The following XYLB variants were observed in gnomAD, a reference collection of about 807,000 sequenced individuals.
XYLB encodes the protein xylulokinase.
XYLB carries 62 observed loss-of-function variants against 78.7 expected under a neutral mutation model. The observed-to-expected ratio is 0.79, with a 90% CI of 0.64 to 0.97. The LOEUF is 0.97. XYLB is among the 50% of genes least tolerant of loss of function. The pLI, the probability that XYLB is intolerant of heterozygous loss-of-function variation, is 0.00. For missense variants in XYLB, 687 were observed against 676.8 expected (o/e 1.02, Z -0.17); for synonymous variants, 245 against 247.4 (o/e 0.99, Z 0.09).
At chr3:38,437,054 C>G in the XYLB span, among the ~76,000 whole-genome samples, 3 of 121,448 alleles carry the variant, frequency 2.5e-5, no homozygotes, top group Non-Finnish European at 5.5e-5. Flanking sequence ...TAACAAAAAC[C>G]AAAAAAAACC....
At chr3:38,410,212 C>G (rs1011343532) in intron 18 of XYLB, among the ~76,000 whole-genome samples, 5 of 152,182 alleles carry the variant, frequency 3.3e-5, no homozygotes, top group Admixed American at 1.3e-4. Flanking sequence ...CAGAACAGAG[C>G]CCTCAGAAAT....
At chr3:38,363,939 C>T (rs887111608) in intron 4 of XYLB, among the ~76,000 whole-genome samples, 1 of 152,180 alleles carries the variant, frequency 6.6e-6, no homozygotes, top group Non-Finnish European at 1.5e-5. Flanking sequence ...GCTTCTTCCT[C>T]CATGACCTAA....
chr3:38,395,782 T>C (rs1380195107), intron 16 of XYLB, among the ~76,000 whole-genome samples: 1 of 152,196 alleles, frequency 6.6e-6, no homozygotes, highest in Non-Finnish European at 1.5e-5. Context: ...TACAATCCAC[T>C]CTCTGATACC....
In XYLB at chr3:38,360,324, CTGT is replaced by C. The variant is rs1263873996; in HGVS notation, c.141-10_141-8del. The C allele has an allele frequency of 6.2e-7, 1 of 1,613,306 alleles. No individual in the cohort carries two copies. The highest frequency in any genetic ancestry group is 2.2e-5 in the East Asian group (1 of 44,886). ...GCCCTGAGGCTCTGGTCTACATTCT[CTGT>C]TGTTCTTGCAGGACTCAGGGTGGTG... On this transcript the variant is annotated splice_polypyrimidine_tract_variant and intron_variant, in intron 2 of 18. Coordinates refer to ENST00000207870, the MANE Select transcript of XYLB (RefSeq NM_005108.4).
chr3:38,354,036 A>G (rs1705509856), intron 2 of XYLB, among the ~76,000 whole-genome samples: 1 of 151,980 alleles, frequency 6.6e-6, no homozygotes. Context: ...CCAGTAACAC[A>G]TTGTTTCAAT....
Position 38,376,136 on chromosome 3 carries a change from A to T in XYLB, c.1024A>T (p.Met342Leu). 6.2e-7 allele frequency: 1 copy of T among 1,613,836 alleles called. No homozygotes were observed. Among genetic ancestry groups the T allele is most frequent in the Non-Finnish European group, 8.5e-7 (1 of 1,179,770 alleles). Reference sequence around the variant, plus strand: ...CTGCAGCTTTAAAAATGGCTCCCTCATGAGAGAGAAGATCCGCAACGAGTC... The same window carrying T: ...CTGCAGCTTTAAAAATGGCTCCCTCTTGAGAGAGAAGATCCGCAACGAGTC... ...ALLCFKNGSL[M>L]REKIRNESVS... The change falls in exon 13 of 19, where the codon ATG becomes TTG. Residue 342 changes from methionine to leucine, a missense_variant. Physicochemically the swap from Met to Leu is conservative, Grantham distance 15. Coordinates refer to ENST00000207870, the MANE Select transcript of XYLB (RefSeq NM_005108.4).
chr3:38,431,855 C>T, the XYLB span, among the ~76,000 whole-genome samples: 1 of 152,154 alleles, frequency 6.6e-6, no homozygotes, highest in South Asian at 2.1e-4. Context: ...CTCATGAGAA[C>T]TCACTATCAT....
Position 38,365,244 on chromosome 3 carries a change from A to G in XYLB, c.337A>G (p.Thr113Ala). ...GAAGGCTGGAGCCCAGCAGGCACTG[A>G]CAAGCTTATCACCAGACCTCCGGCT... ...YWKAGAQQAL[T>A]SLSPDLRLHQ... is the part of the protein sequence containing the mutation. Residue 113 changes from threonine to alanine, a missense_variant, in exon 5 of 19, where the codon ACA becomes GCA. Transcript: ENST00000207870. 2 of 1,614,246 alleles carry G rather than the reference A, an allele frequency of 1.2e-6. No homozygotes were observed. Among genetic ancestry groups the G allele is most frequent in the East Asian group, 4.5e-5 (2 of 44,886 alleles).
chr3:38,373,028 T>G (rs1317137498), intron 10 of XYLB, among the ~76,000 whole-genome samples: 4 of 152,154 alleles, frequency 2.6e-5, no homozygotes, highest in Non-Finnish European at 5.9e-5. Context: ...GCCCAATGAT[T>G]ATGGAAGGCA....
downstream of XYLB, chr3:38,421,368 G>A (rs1254725794): frequency 6.6e-6 from 1 of 152,284 alleles, no homozygotes; most frequent in African/African-American, 2.4e-5. Context: ...AATCCTCATG[G>A]TGAGTAAGAA....
At chr3:38,355,871 G>A (rs779850560) in intron 2 of XYLB, 3 of 685,132 alleles carry the variant, frequency 4.4e-6, no homozygotes, top group African/African-American at 3.5e-5. Flanking sequence ...CTTTACATGA[G>A]GAGAAAGAAA....
At chr3:38,426,690 C>T in the XYLB span, among the ~76,000 whole-genome samples, 6 of 152,298 alleles carry the variant, frequency 3.9e-5, no homozygotes, top group African/African-American at 9.6e-5. Flanking sequence ...GCGAATCCTG[C>T]GAGAAGTAGC....
chr3:38,410,193 T>C (rs1177552750), intron 18 of XYLB, among the ~76,000 whole-genome samples: 6 of 152,018 alleles, frequency 3.9e-5, no homozygotes, highest in Non-Finnish European at 8.8e-5. Flanking sequence ...GAGATATAGA[T>C]CAATGGAACA....
intron 2 of XYLB, among the ~76,000 whole-genome samples, chr3:38,358,995 C>T (rs549572927): frequency 1.3e-4 from 20 of 152,198 alleles, no homozygotes; most frequent in African/African-American, 3.4e-4. Flanking sequence ...GAGACTCCAA[C>T]GCACCAGCAC....
chr3:38,406,363 A>G (rs1410158144), intron 18 of XYLB, among the ~76,000 whole-genome samples: 1 of 152,256 alleles, frequency 6.6e-6, no homozygotes, highest in Admixed American at 6.5e-5. Flanking sequence ...ACAGAAAGAC[A>G]TCCGCACCAA....
At chr3:38,429,578 T>G in the XYLB span, among the ~76,000 whole-genome samples, 1 of 152,178 alleles carries the variant, frequency 6.6e-6, no homozygotes. Flanking sequence ...TTTATTATTA[T>G]ACTTTAAGTT....
chr3:38,447,214 C>CAGT, the XYLB span, among the ~76,000 whole-genome samples: 68 of 151,534 alleles, frequency 4.5e-4, 1 homozygote, highest in Middle Eastern at 0.021. Flanking sequence ...ATCAAAGCCA[C>CAGT]CATATAATTA....
intron 17 of XYLB, among the ~76,000 whole-genome samples, chr3:38,399,748 G>C (rs550274595): frequency 6.6e-6 from 1 of 152,228 alleles, no homozygotes; most frequent in Admixed American, 6.5e-5. Flanking sequence ...CTTGCCAAAG[G>C]GTACCTGGGC....
chr3:38,404,757 T>G (rs1708244704), intron 18 of XYLB, among the ~76,000 whole-genome samples: 2 of 152,042 alleles, frequency 1.3e-5, no homozygotes, highest in Non-Finnish European at 2.9e-5. Flanking sequence ...AACCAGGAGG[T>G]GGAAGCTTCA....
Sources: gnomAD v4.1 joint callset for allele counts (sites outside exome capture counted in the v4.1 genomes callset) on GRCh38, gnomAD v4.1.1 for gene constraint, MANE v1.5 for transcripts, NCBI Gene and HGNC (gene_info 2026-07-23, HGNC 2026-07-21) for gene names.